The following METTL16 variants were observed in gnomAD, a reference collection of about 807,000 sequenced individuals.
The protein encoded by METTL16 is methyltransferase 16, RNA N6-adenosine.
METTL16 carries 19 observed loss-of-function variants against 57.9 expected under a neutral mutation model. That is an observed-to-expected ratio of 0.33 (90% CI 0.23 to 0.48). The LOEUF (loss-of-function observed/expected upper bound fraction) is 0.48, where lower values mean the gene tolerates loss of function less well. Ranked by LOEUF, METTL16 falls within the 20% of genes least tolerant of loss-of-function variation. The probability of loss-of-function intolerance (pLI) is 0.99; values close to 1 mark genes in which losing one functional copy is unlikely to be tolerated. For synonymous variants in METTL16, 246 were observed against 255.6 expected, an observed-to-expected ratio of 0.96 and a Z score of 0.36; for missense variants, 434 against 691.5, an observed-to-expected ratio of 0.63 and a Z score of 4.18.
At chr17:2,448,809 A>AATT (rs1567890042) in intron 6 of METTL16, among the ~76,000 whole-genome samples, 1 of 138,794 alleles carries the variant, frequency 7.2e-6, no homozygotes, top group African/African-American at 2.8e-5. Context: ...ATTTAAAAAA[A>AATT]AAAAAAAAAA....
chr17:2,489,736 A>AAAAAAAAAAAC lies in METTL16; in HGVS notation c.129-11852_129-11851insGTTTTTTTTTT, dbSNP rs2067371464. Reference sequence around the variant, plus strand: ...CCTGGATGACAGAGCGAGACTCAAAAAAAAAAAAAAAAACGAATACTGCGA... The same window carrying AAAAAAAAAAAC: ...CCTGGATGACAGAGCGAGACTCAAAAAAAAAAAAAACAAAAAAAAAAAAACGAATACTGCGA... On this transcript the variant is annotated intron_variant, in intron 2 of 9. Transcript: ENST00000263092. Among the ~76,000 whole-genome samples, 6 of 149,562 alleles carry AAAAAAAAAAAC rather than the reference A, an allele frequency of 4.0e-5. 2 individuals are homozygous for AAAAAAAAAAAC. Among genetic ancestry groups the AAAAAAAAAAAC allele is most frequent in the African/African-American group, 4.9e-5 (2 of 40,718 alleles).
intron 2 of METTL16, among the ~76,000 whole-genome samples, chr17:2,490,451 C>T (rs1330495614): frequency 1.3e-5 from 2 of 152,008 alleles, no homozygotes; most frequent in Non-Finnish European, 2.9e-5. Context: ...AAAATTCCTA[C>T]GTATGAATAA....
intron 6 of METTL16, among the ~76,000 whole-genome samples, chr17:2,446,796 T>C (rs1166492980): frequency 2.6e-5 from 4 of 152,142 alleles, no homozygotes; most frequent in Admixed American, 2.0e-4. Flanking sequence ...TTGGCCGGGC[T>C]GGTCTCCAGC....
At chr17:2,477,078 A>T (rs1351369417) in intron 3 of METTL16, among the ~76,000 whole-genome samples, 1 of 152,174 alleles carries the variant, frequency 6.6e-6, no homozygotes, top group East Asian at 1.9e-4. Context: ...GTAGTGGCTC[A>T]TGCCTGTAAT....
rs752477163 is a variant in METTL16 at position 2,474,386 on chromosome 17, G to GAAAAAAAAAAAAAAAAAAA, written c.329-741_329-723dup. 5.0e-5 allele frequency among the ~76,000 whole-genome samples: 3 copies of GAAAAAAAAAAAAAAAAAAA among 60,232 alleles called. 1 individual carries two copies. Among genetic ancestry groups the GAAAAAAAAAAAAAAAAAAA allele is most frequent in the African/African-American group, 8.6e-5 (2 of 23,232 alleles). 39.5% of individuals were successfully genotyped at this position (60,232 alleles called of 152,430 possible). A position where few individuals can be genotyped will look rare whatever the true frequency, so the allele number is the denominator to read the frequency against. On this transcript the variant is annotated intron_variant, in intron 3 of 9. Coordinates refer to ENST00000263092, the MANE Select transcript of METTL16 (RefSeq NM_024086.4). ...AGTTGTCAGCTGAAAGAAACAAAAA[G>GAAAAAAAAAAAAAAAAAAA]AAAAAAAAAAAAAAAAAAAAAGCTA...
At chr17:2,495,542 A>G (rs769908498) in intron 2 of METTL16, among the ~76,000 whole-genome samples, 1 of 151,414 alleles carries the variant, frequency 6.6e-6, no homozygotes, top group Admixed American at 6.6e-5. Flanking sequence ...TAAAAATACA[A>G]AAATTAGCCA....
intron 6 of METTL16, among the ~76,000 whole-genome samples, chr17:2,448,789 T>A (rs796105965): frequency 0.24 from 11,223 of 46,426 alleles, 2,102 homozygotes; most frequent in African/African-American, 0.55. Flanking sequence ...AATAAAAAAA[T>A]AAAAATAAAA....
intron 6 of METTL16, among the ~76,000 whole-genome samples, chr17:2,457,697 C>T (rs1044132155): frequency 7.4e-5 from 11 of 147,960 alleles, no homozygotes; most frequent in East Asian, 2.0e-4. Context: ...GATGACAGAG[C>T]GAGACTCTGT....
chr17:2,481,904 T>C (rs1250512224), intron 2 of METTL16, among the ~76,000 whole-genome samples: 2 of 151,870 alleles, frequency 1.3e-5, no homozygotes, highest in Non-Finnish European at 2.9e-5. Context: ...AGCTAAACAA[T>C]TGATTTTGGG....
Position 2,428,585 on chromosome 17 carries a change from ATATATATATATATAT to A in METTL16, c.889-7696_889-7682del, listed in dbSNP as rs1597438322. On this transcript the variant is annotated intron_variant, in intron 8 of 9. Transcript: ENST00000263092. ...AAAAAATATATATATATATATATAT[ATATATATATATATAT>A]ATAAATTGTAATACAGCGGGGCACA... is the stretch of plus-strand genomic sequence containing the variant. 8.4e-5 allele frequency among the ~76,000 whole-genome samples: 4 copies of A among 47,602 alleles called. 1 individual carries two copies. The highest frequency in any genetic ancestry group is 3.0e-3 in the East Asian group (1 of 328). 31.2% of individuals were successfully genotyped at this position (47,602 alleles called of 152,430 possible).
intron 1 of METTL16, among the ~76,000 whole-genome samples, chr17:2,504,720 C>T (rs1401869831): frequency 2.6e-5 from 4 of 152,052 alleles, no homozygotes; most frequent in East Asian, 1.9e-4. Context: ...CATGCCACCA[C>T]GCCTGGCTAA....
chr17:2,430,778 T>A (rs1567882775), intron 8 of METTL16, among the ~76,000 whole-genome samples: 3 of 152,154 alleles, frequency 2.0e-5, no homozygotes, highest in African/African-American at 7.2e-5. Flanking sequence ...GCACATCTGT[T>A]ATAAACGTTA....
intron 2 of METTL16, among the ~76,000 whole-genome samples, chr17:2,479,850 G>GT (rs1358791942): frequency 3.3e-5 from 5 of 152,196 alleles, no homozygotes; most frequent in Admixed American, 2.6e-4. Flanking sequence ...TGCCATGGAC[G>GT]TAAGTCACTT....
intron 4 of METTL16, among the ~76,000 whole-genome samples, chr17:2,472,511 T>A (rs1329794667): frequency 6.6e-6 from 1 of 152,166 alleles, no homozygotes; most frequent in East Asian, 1.9e-4. Flanking sequence ...ACAACTTTAT[T>A]TGTAATTGTC....
At chr17:2,455,156 T>C (rs1452906391) in intron 6 of METTL16, 2 of 174,388 alleles carry the variant, frequency 1.1e-5, no homozygotes, top group African/African-American at 2.4e-5. Flanking sequence ...TGGCGTTATC[T>C]TGGCTCACTG....
chr17:2,423,608 A>G (rs1278088994), intron 8 of METTL16, among the ~76,000 whole-genome samples: 1 of 152,126 alleles, frequency 6.6e-6, no homozygotes, highest in Non-Finnish European at 1.5e-5. Context: ...ATCAAAGGCC[A>G]TGACCATGGA....
intron 6 of METTL16, among the ~76,000 whole-genome samples, chr17:2,447,802 TG>T (rs1226955735): frequency 1.3e-4 from 7 of 52,632 alleles, no homozygotes; most frequent in East Asian, 5.7e-4. Context: ...GGGAGGGAGG[TG>T]GGGGGGTCAG....
chr17:2,504,307 C>A (rs1243451855), intron 1 of METTL16, among the ~76,000 whole-genome samples: 2 of 151,960 alleles, frequency 1.3e-5, no homozygotes, highest in Non-Finnish European at 2.9e-5. Context: ...GATGGTTGCA[C>A]AAGAGAATGA....
At position 2,511,508 on chromosome 17, in the gene METTL16, T is replaced by C. The variant is rs550078725; in HGVS notation, c.-1+251A>G. On this transcript the variant is annotated intron_variant, in intron 1 of 9. Coordinates refer to ENST00000263092, the MANE Select transcript of METTL16 (RefSeq NM_024086.4). ...TTTGTCTTCCCGCCTCAGTTTTGGATCTCTCTAAACCTCCTAAACACCGGG... is the reference window on the plus strand; with the variant it reads ...TTTGTCTTCCCGCCTCAGTTTTGGACCTCTCTAAACCTCCTAAACACCGGG... 1.8e-3 allele frequency among the ~76,000 whole-genome samples: 267 copies of C among 152,190 alleles called. 1 individual carries two copies. The highest frequency in any genetic ancestry group is 6.0e-3 in the African/African-American group (251 of 41,510).
Sources: gnomAD v4.1 joint callset for allele counts (sites outside exome capture counted in the v4.1 genomes callset) on GRCh38, gnomAD v4.1.1 for gene constraint, MANE v1.5 for transcripts, NCBI Gene and HGNC (gene_info 2026-07-23, HGNC 2026-07-21) for gene names.